Variants in KCNT2 observed in about 807,000 individuals in gnomAD.
KCNT2 encodes potassium sodium-activated channel subfamily T member 2, also known as potassium channel subfamily T member 2.
KCNT2 carries 67 observed loss-of-function variants against 153.8 expected under a neutral mutation model. The observed-to-expected ratio is 0.44, with a 90% CI of 0.36 to 0.53. The LOEUF (loss-of-function observed/expected upper bound fraction) is 0.53, where lower values mean the gene tolerates loss of function less well. Ranked by LOEUF, KCNT2 falls within the 20% of genes least tolerant of loss-of-function variation. KCNT2 has a pLI of 0.00. For synonymous variants in KCNT2, 500 were observed against 458.8 expected (o/e 1.09, Z -1.15); for missense variants, 975 against 1,354.8 (o/e 0.72, Z 4.40).
chr1:196,355,821 T>C (rs1667127211), intron 14 of KCNT2, among the ~76,000 whole-genome samples: 2 of 151,822 alleles, frequency 1.3e-5, no homozygotes. Context: ...TATATCTCAC[T>C]GATTTTCAAC....
rs1450557575 is a variant in KCNT2, at chr1:196,287,407, A to C, written c.2596-1649T>G. 2.0e-5 allele frequency among the ~76,000 whole-genome samples: 3 copies of C among 152,022 alleles called. No individual in the cohort carries two copies. The East Asian group carries it at 5.8e-4, about 29-fold the overall frequency. ...GGAGTAGCCAGAATAAAGTGCTGGAACGCCTGAGAATTTGATGTTACATTT... is the reference window on the plus strand; with the variant it reads ...GGAGTAGCCAGAATAAAGTGCTGGACCGCCTGAGAATTTGATGTTACATTT... On this transcript the variant is annotated intron_variant, in intron 22 of 27. Transcript: ENST00000294725.
intron 8 of KCNT2, among the ~76,000 whole-genome samples, chr1:196,442,301 T>G (rs1210267069): frequency 6.6e-6 from 1 of 151,850 alleles, no homozygotes; most frequent in South Asian, 2.1e-4. Flanking sequence ...CTTGGAAAAC[T>G]TATAGGATTT....
At chr1:196,285,074 G>A (rs1217195106) in intron 23 of KCNT2, among the ~76,000 whole-genome samples, 1 of 152,152 alleles carries the variant, frequency 6.6e-6, no homozygotes, top group African/African-American at 2.4e-5. Flanking sequence ...CAAAAACGAT[G>A]ATATTAGTGT....
intron 1 of KCNT2, among the ~76,000 whole-genome samples, chr1:196,606,691 A>G (rs867031712): frequency 6.6e-5 from 10 of 152,122 alleles, no homozygotes; most frequent in Admixed American, 4.6e-4. Flanking sequence ...CATCACTATA[A>G]CCAAAGTATG....
chr1:196,348,297 GC>G (rs1371947616), intron 14 of KCNT2, among the ~76,000 whole-genome samples: 2 of 151,466 alleles, frequency 1.3e-5, no homozygotes, highest in African/African-American at 4.8e-5. Flanking sequence ...GATAAAAATA[GC>G]AGCAATAAAA....
At chr1:196,413,633 A>C (rs1672516668) in intron 12 of KCNT2, among the ~76,000 whole-genome samples, 1 of 151,718 alleles carries the variant, frequency 6.6e-6, no homozygotes, top group African/African-American at 2.4e-5. Flanking sequence ...AAATAACATT[A>C]ATCTAGAATA....
chr1:196,489,201 G>A (rs1679669249), intron 3 of KCNT2, among the ~76,000 whole-genome samples: 1 of 151,868 alleles, frequency 6.6e-6, no homozygotes, highest in Admixed American at 6.6e-5. Context: ...GGTAGAGTAG[G>A]CAAAAGTTAG....
chr1:196,511,375 T>A (rs1157294489), intron 1 of KCNT2, among the ~76,000 whole-genome samples: 1 of 152,080 alleles, frequency 6.6e-6, no homozygotes, highest in Non-Finnish European at 1.5e-5. Context: ...CCCACAGAAA[T>A]CTGCCACAAA....
intron 27 of KCNT2, among the ~76,000 whole-genome samples, chr1:196,230,113 T>C (rs1653818648): frequency 6.6e-6 from 1 of 152,068 alleles, no homozygotes; most frequent in Admixed American, 6.6e-5. Flanking sequence ...AAAGTTGCCA[T>C]CTAGTACTTA....
At chr1:196,386,789 C>T (rs1313139432) in intron 13 of KCNT2, among the ~76,000 whole-genome samples, 1 of 151,896 alleles carries the variant, frequency 6.6e-6, no homozygotes, top group Non-Finnish European at 1.5e-5. Flanking sequence ...CAATTTAGTC[C>T]TTATGATTGA....
chr1:196,526,314 A>T (rs905313227), intron 1 of KCNT2, among the ~76,000 whole-genome samples: 1 of 150,822 alleles, frequency 6.6e-6, no homozygotes, highest in Non-Finnish European at 1.5e-5. Context: ...TATATAAATC[A>T]TATAAAATAT....
At chr1:196,552,271 C>A (rs1300186192) in intron 1 of KCNT2, among the ~76,000 whole-genome samples, 1 of 151,538 alleles carries the variant, frequency 6.6e-6, no homozygotes, top group Non-Finnish European at 1.5e-5. Flanking sequence ...TGTGCCCATA[C>A]CTACATTATT....
intron 1 of KCNT2, among the ~76,000 whole-genome samples, chr1:196,608,002 A>G (rs547902529): frequency 6.6e-6 from 1 of 152,342 alleles, no homozygotes; most frequent in Non-Finnish European, 1.5e-5. Context: ...AAGAATAAGA[A>G]AAGTGTAAAG....
intron 6 of KCNT2, among the ~76,000 whole-genome samples, chr1:196,468,000 A>G (rs1677764284): frequency 6.6e-6 from 1 of 152,136 alleles, no homozygotes; most frequent in Admixed American, 6.6e-5. Flanking sequence ...TTGCAGAAGC[A>G]AAAAGAAAAT....
intron 26 of KCNT2, among the ~76,000 whole-genome samples, chr1:196,236,675 TG>T (rs1327980322): frequency 6.6e-6 from 1 of 151,580 alleles, no homozygotes; most frequent in African/African-American, 2.4e-5. Context: ...CTGAATCATT[TG>T]TTTTTCCTAA....
intron 22 of KCNT2, among the ~76,000 whole-genome samples, chr1:196,289,944 T>G (rs1410506819): frequency 6.6e-6 from 1 of 152,086 alleles, no homozygotes; most frequent in Non-Finnish European, 1.5e-5. Flanking sequence ...TACTTTTCCA[T>G]TTGTTTTATT....
intron 1 of KCNT2, among the ~76,000 whole-genome samples, chr1:196,600,384 T>A (rs1664589212): frequency 6.6e-6 from 1 of 152,232 alleles, no homozygotes; most frequent in Admixed American, 6.5e-5. Context: ...GGTGGTTGGC[T>A]GCAAGGCATG....
intron 1 of KCNT2, among the ~76,000 whole-genome samples, chr1:196,600,346 A>G (rs1423089837): frequency 6.6e-6 from 1 of 152,258 alleles, no homozygotes; most frequent in Non-Finnish European, 1.5e-5. Context: ...AAATACACAT[A>G]AACAAAGCTG....
intron 14 of KCNT2, among the ~76,000 whole-genome samples, chr1:196,357,222 G>A (rs112770076): frequency 0.011 from 1,640 of 151,914 alleles, 18 homozygotes; most frequent in Non-Finnish European, 0.015. Context: ...ATTATTATGC[G>A]GATTGCAATA....
Sources: allele counts gnomAD v4.1 joint callset (sites outside exome capture counted in the v4.1 genomes callset), GRCh38; gene constraint gnomAD v4.1.1; transcripts MANE v1.5; gene names NCBI Gene and HGNC (gene_info 2026-07-23, HGNC 2026-07-21).